Variants in PDZRN4 observed in about 807,000 individuals in gnomAD.
PDZRN4 encodes PDZ domain containing ring finger 4, also known as PDZ domain-containing RING finger protein 4.
A neutral mutation model predicts 99.0 loss-of-function variants in PDZRN4; 70 were observed. The ratio of observed to expected loss-of-function variants is 0.71; its 90% CI spans 0.58 to 0.86. The LOEUF (loss-of-function observed/expected upper bound fraction) is 0.86. Among genes scored for constraint, PDZRN4 ranks in the 40% least tolerant of loss-of-function variants. The pLI, the probability that PDZRN4 is intolerant of heterozygous loss-of-function variation, is 0.00. For missense variants in PDZRN4, 1,474 were observed against 1,331.2 expected (o/e 1.11, Z -1.67); for synonymous variants, 551 against 501.6 (o/e 1.10, Z -1.32).
At chr12:41,210,610 T>C (rs1950882116) in intron 3 of PDZRN4, among the ~76,000 whole-genome samples, 1 of 152,012 alleles carries the variant, frequency 6.6e-6, no homozygotes, top group South Asian at 2.1e-4. Context: ...ATTATTTTAC[T>C]TGTGTACAGT....
chr12:41,478,135 A>G (rs1937622031), intron 3 of PDZRN4, among the ~76,000 whole-genome samples: 1 of 151,832 alleles, frequency 6.6e-6, no homozygotes, highest in South Asian at 2.1e-4. Context: ...GTTTTTTTGG[A>G]GACGAAGACT....
intron 3 of PDZRN4, among the ~76,000 whole-genome samples, chr12:41,440,674 A>C (rs1952671459): frequency 6.6e-6 from 1 of 152,186 alleles, no homozygotes. Flanking sequence ...AGGCTCCAGT[A>C]TGCACACAGA....
At chr12:41,228,882 C>A (rs1013253190) in intron 3 of PDZRN4, among the ~76,000 whole-genome samples, 1 of 152,006 alleles carries the variant, frequency 6.6e-6, no homozygotes, top group Non-Finnish European at 1.5e-5. Flanking sequence ...ATTGTTCCTA[C>A]AGAGATAATC....
rs1400241235 is a variant in PDZRN4 at position 41,328,775 on chromosome 12, C to T, written c.843+134587C>T. Among the ~76,000 whole-genome samples the T allele has an allele frequency of 2.0e-5, 3 of 152,190 alleles. No individual in the cohort carries two copies. In the East Asian group the frequency reaches 5.8e-4, roughly 29 times the overall value. ...ACATGTATCTGTGACTCAAAACAAACAAGTCTTACCAGACTCAGGAAGACA... is the reference window on the plus strand; with the variant it reads ...ACATGTATCTGTGACTCAAAACAAATAAGTCTTACCAGACTCAGGAAGACA... On this transcript the variant is annotated intron_variant, in intron 3 of 9. Transcript: ENST00000402685.
chr12:41,497,543 G>C (rs950880751), intron 3 of PDZRN4, among the ~76,000 whole-genome samples: 1 of 152,122 alleles, frequency 6.6e-6, no homozygotes, highest in African/African-American at 2.4e-5. Flanking sequence ...CATTTCATCA[G>C]TGGGATCTTC....
At chr12:41,535,482 T>C (rs1383104238) in intron 5 of PDZRN4, among the ~76,000 whole-genome samples, 4 of 152,228 alleles carry the variant, frequency 2.6e-5, no homozygotes, top group Non-Finnish European at 4.4e-5. Context: ...CAGTTTATTA[T>C]TGGTACATTC....
intron 3 of PDZRN4, among the ~76,000 whole-genome samples, chr12:41,229,753 A>G (rs192118251): frequency 3.9e-5 from 6 of 152,096 alleles, no homozygotes; most frequent in African/African-American, 1.4e-4. Flanking sequence ...TTGGGTCCTG[A>G]GAGATTTCCC....
intron 3 of PDZRN4, among the ~76,000 whole-genome samples, chr12:41,201,037 C>T (rs1950812346): frequency 6.6e-6 from 1 of 151,956 alleles, no homozygotes; most frequent in Admixed American, 6.6e-5. Flanking sequence ...CTACCCTCAG[C>T]AAAACTTGTC....
At chr12:41,549,326 TTA>T (rs1939014980) in intron 5 of PDZRN4, among the ~76,000 whole-genome samples, 1 of 152,328 alleles carries the variant, frequency 6.6e-6, no homozygotes, top group Admixed American at 6.5e-5. Flanking sequence ...AAGGGAATAC[TTA>T]ATTAAACCTG....
At chr12:41,505,663 G>C (rs561613455) in intron 3 of PDZRN4, among the ~76,000 whole-genome samples, 65 of 149,668 alleles carry the variant, frequency 4.3e-4, no homozygotes, top group African/African-American at 1.5e-3. Flanking sequence ...AGCAATGACT[G>C]AGGACAAAGG....
intron 5 of PDZRN4, among the ~76,000 whole-genome samples, chr12:41,514,307 A>G (rs1203899570): frequency 2.6e-5 from 4 of 152,060 alleles, no homozygotes; most frequent in African/African-American, 9.7e-5. Flanking sequence ...ATTTTGCAAA[A>G]TGTATTTCCT....
intron 3 of PDZRN4, among the ~76,000 whole-genome samples, chr12:41,465,036 G>C (rs1208879058): frequency 6.6e-6 from 1 of 152,010 alleles, no homozygotes; most frequent in Non-Finnish European, 1.5e-5. Flanking sequence ...TATTGGCCAG[G>C]CTGGTCTCAA....
At chr12:41,299,101 G>A (rs1951515122) in intron 3 of PDZRN4, among the ~76,000 whole-genome samples, 1 of 152,106 alleles carries the variant, frequency 6.6e-6, no homozygotes, top group Non-Finnish European at 1.5e-5. Context: ...AGCAGGCAGT[G>A]AGCCTAGGTT....
chr12:41,291,259 G>T (rs573506713), intron 3 of PDZRN4, among the ~76,000 whole-genome samples: 1 of 151,924 alleles, frequency 6.6e-6, no homozygotes, highest in Non-Finnish European at 1.5e-5. Context: ...ACTATTATTT[G>T]TTCTAATAAA....
At position 41,506,649 on chromosome 12, in the gene PDZRN4, T is replaced by C. The variant is rs747565456; in HGVS notation, c.1037T>C (p.Leu346Pro). 14 of 1,613,778 alleles carry C rather than the reference T, an allele frequency of 8.7e-6. No homozygotes were observed. In the South Asian group the frequency reaches 1.3e-4, roughly 15 times the overall value. Residue 346 changes from leucine to proline, a missense_variant, in exon 4 of 10, where the codon CTG (leucine) becomes CCG (proline). Leu to Pro is a moderately conservative substitution (Grantham distance 98). Transcript: ENST00000402685. Reference protein sequence around the residue: ...TDITFEHIMALAKLRPPTPPV... With the variant: ...TDITFEHIMAPAKLRPPTPPV... ...ATCACCTTCGAACACATCATGGCTC[T>C]GGCCAAGCTTCGTCCACCTACCCCT...
chr12:41,500,863 C>T (rs897586854), intron 3 of PDZRN4, among the ~76,000 whole-genome samples: 1 of 152,012 alleles, frequency 6.6e-6, no homozygotes, highest in Non-Finnish European at 1.5e-5. Context: ...ATTTCAGCAG[C>T]AATTTAAATA....
intron 4 of PDZRN4, among the ~76,000 whole-genome samples, chr12:41,508,519 A>G (rs1938247163): frequency 6.6e-6 from 1 of 152,194 alleles, no homozygotes; most frequent in South Asian, 2.1e-4. Flanking sequence ...TCGAATGAAT[A>G]AAGTGTTCCT....
intron 3 of PDZRN4, among the ~76,000 whole-genome samples, chr12:41,268,181 T>C (rs1169673442): frequency 6.6e-6 from 1 of 152,218 alleles, no homozygotes; most frequent in East Asian, 1.9e-4. Context: ...TAACATATTT[T>C]GTTTAAATCC....
chr12:41,319,441 T>C (rs1391503474), intron 3 of PDZRN4, among the ~76,000 whole-genome samples: 3 of 152,064 alleles, frequency 2.0e-5, no homozygotes, highest in East Asian at 3.9e-4. Flanking sequence ...GGCCACAGTC[T>C]CACAGCCTCC....
Sources: gnomAD v4.1 joint callset for allele counts (sites outside exome capture counted in the v4.1 genomes callset) on GRCh38, gnomAD v4.1.1 for gene constraint, MANE v1.5 for transcripts, NCBI Gene and HGNC (gene_info 2026-07-23, HGNC 2026-07-21) for gene names.